SUMF1: variants seen among roughly 807,000 people sequenced by gnomAD.
SUMF1 encodes sulfatase modifying factor 1, also known as formylglycine-generating enzyme.
Under a neutral mutation model 47.6 loss-of-function variants are expected in SUMF1, and 48 were observed. That is an observed-to-expected ratio of 1.01 (90% CI 0.80 to 1.28). SUMF1 has a LOEUF of 1.28. Among genes scored for constraint, SUMF1 ranks in the 50% most tolerant of loss-of-function variants. The probability of loss-of-function intolerance (pLI) is 0.00; values close to 1 mark genes in which losing one functional copy is unlikely to be tolerated. For synonymous variants in SUMF1, 230 were observed against 192.1 expected, an observed-to-expected ratio of 1.20 and a Z score of -1.63; for missense variants, 571 against 485.4, an observed-to-expected ratio of 1.18 and a Z score of -1.66.
At chr3:4,308,105 C>T (rs1698262691) in intron 8 of SUMF1, among the ~76,000 whole-genome samples, 2 of 152,148 alleles carry the variant, frequency 1.3e-5, no homozygotes, top group African/African-American at 4.8e-5. Context: ...ATATTGCAGA[C>T]AGTAAGGTAA....
intron 8 of SUMF1, among the ~76,000 whole-genome samples, chr3:4,076,958 C>T (rs1328883658): frequency 1.3e-5 from 2 of 151,776 alleles, no homozygotes; most frequent in African/African-American, 4.8e-5. Flanking sequence ...GAGCCGAGAT[C>T]GTGCCACTGC....
At chr3:4,418,280 C>T in intron 4 of SUMF1, 148 bp from the exon 5 acceptor site, 4 of 1,221,040 alleles carry the variant, frequency 3.3e-6, no homozygotes, top group Non-Finnish European at 4.6e-6. Flanking sequence ...AGCCATGCTA[C>T]ATCTGTCATG....
chr3:4,049,699 C>T (rs1276860411), intron 9 of SUMF1, among the ~76,000 whole-genome samples: 1 of 152,120 alleles, frequency 6.6e-6, no homozygotes, highest in Non-Finnish European at 1.5e-5. Context: ...ACTCTTTCAG[C>T]CTTGCCATTC....
chr3:4,252,277 T>C (rs1696819844), intron 8 of SUMF1, among the ~76,000 whole-genome samples: 1 of 152,012 alleles, frequency 6.6e-6, no homozygotes, highest in Non-Finnish European at 1.5e-5. Context: ...GACAACCAAA[T>C]CTTCTGAAAA....
rs113009646 is a variant in SUMF1 at position 4,219,462 on chromosome 3, C to G, written c.1015-150717G>C. Among the ~76,000 whole-genome samples, 94 of 152,296 alleles carry G rather than the reference C, an allele frequency of 6.2e-4. 3 individuals are homozygous for G. The highest frequency in any genetic ancestry group is 2.2e-3 in the African/African-American group (93 of 41,580). The stretch of plus-strand genomic sequence containing the variant: ...CTTTCTGCTGTGCCAGATGTTTGCA[C>G]ACTCAACTCAAAAAAACTGGTGACA... On this transcript the variant is annotated intron_variant and NMD_transcript_variant, in intron 8 of 12. Coordinates refer to the SUMF1 transcript ENST00000448413.
chr3:4,134,801 T>C (rs989106362), intron 8 of SUMF1, among the ~76,000 whole-genome samples: 2 of 152,050 alleles, frequency 1.3e-5, no homozygotes, highest in African/African-American at 4.8e-5. Flanking sequence ...TCACCACCGA[T>C]CCCACAGAAA....
At chr3:4,442,643 A>AAAAAAAAAAAC (rs1702642352) in intron 3 of SUMF1, among the ~76,000 whole-genome samples, 3 of 33,956 alleles carry the variant, frequency 8.8e-5, no homozygotes, top group Non-Finnish European at 6.0e-4. Flanking sequence ...AAAAGGAAAA[A>AAAAAAAAAAAC]AAAAAAAAAG....
intron 6 of SUMF1, 73 bp downstream of exon 6, chr3:4,417,055 C>T: frequency 1.4e-6 from 2 of 1,407,576 alleles, no homozygotes; most frequent in South Asian, 1.2e-5. Flanking sequence ...TGAGCAATGC[C>T]TTTCACCCCA....
Position 4,434,280 on chromosome 3 carries a change from T to C in SUMF1, c.520-14134A>G, listed in dbSNP as rs542002074. On this transcript the variant is annotated intron_variant, in intron 3 of 8. Coordinates refer to ENST00000272902, the MANE Select transcript of SUMF1 (RefSeq NM_182760.4). ...GGTTAAAATGGTAAATTTTATGTTA[T>C]GTATAGTGTACCATACACACACATA... Among the ~76,000 whole-genome samples, 13 of 152,394 alleles carry C rather than the reference T, an allele frequency of 8.5e-5. No individual in the cohort carries two copies. In the South Asian group the frequency reaches 1.7e-3, roughly 19 times the overall value.
chr3:4,050,455 A>G (rs1489343147), intron 9 of SUMF1, among the ~76,000 whole-genome samples: 1 of 152,042 alleles, frequency 6.6e-6, no homozygotes, highest in Non-Finnish European at 1.5e-5. Context: ...GAAAATTGTC[A>G]TGATGGCCAG....
At chr3:4,040,279 T>C (rs1396824186) in intron 9 of SUMF1, among the ~76,000 whole-genome samples, 4 of 152,162 alleles carry the variant, frequency 2.6e-5, no homozygotes, top group Admixed American at 1.3e-4. Context: ...TACCTCAGAA[T>C]GGGGAAAAGT....
At chr3:4,148,997 T>G (rs781721753) in intron 8 of SUMF1, among the ~76,000 whole-genome samples, 22 of 140,336 alleles carry the variant, frequency 1.6e-4, no homozygotes, top group Middle Eastern at 3.6e-3. Flanking sequence ...TTAGTTGAAT[T>G]TATGCCCTGG....
chr3:4,267,379 A>T (rs1456066312), intron 8 of SUMF1, among the ~76,000 whole-genome samples: 8 of 152,134 alleles, frequency 5.3e-5, no homozygotes, highest in Non-Finnish European at 8.8e-5. Context: ...TTGGTAAAGT[A>T]TTGATTATTA....
intron 8 of SUMF1, among the ~76,000 whole-genome samples, chr3:4,073,756 T>C (rs1384541920): frequency 6.6e-6 from 1 of 152,082 alleles, no homozygotes; most frequent in Non-Finnish European, 1.5e-5. Context: ...CATTATATAA[T>C]GGTAAAGGGA....
At chr3:4,179,373 A>G (rs1442377783) in intron 8 of SUMF1, among the ~76,000 whole-genome samples, 1 of 152,190 alleles carries the variant, frequency 6.6e-6, no homozygotes, top group African/African-American at 2.4e-5. Context: ...GGCTTCAGAA[A>G]TACCACAACA....
At chr3:4,353,040 C>A (rs1324896783) in intron 8 of SUMF1, among the ~76,000 whole-genome samples, 1 of 152,186 alleles carries the variant, frequency 6.6e-6, no homozygotes, top group Non-Finnish European at 1.5e-5. Flanking sequence ...CCTTTACACT[C>A]CTAGAAATCA....
chr3:4,430,183 A>G (rs891144811), intron 3 of SUMF1, among the ~76,000 whole-genome samples: 41 of 152,208 alleles, frequency 2.7e-4, no homozygotes, highest in Admixed American at 2.4e-3. Context: ...ATAAGATGGT[A>G]GTAGGTACGG....
At chr3:4,404,796 CAT>C (rs1160772928) in intron 7 of SUMF1, among the ~76,000 whole-genome samples, 2 of 152,012 alleles carry the variant, frequency 1.3e-5, no homozygotes, top group Admixed American at 6.6e-5. Flanking sequence ...ACAAAAAACA[CAT>C]GAGTGAAGGT....
chr3:4,282,221 A>T (rs1697543306), intron 8 of SUMF1, among the ~76,000 whole-genome samples: 1 of 152,166 alleles, frequency 6.6e-6, no homozygotes, highest in Non-Finnish European at 1.5e-5. Context: ...ATGAAACATA[A>T]AATCAATGTA....
Sources: allele counts gnomAD v4.1 joint callset (sites outside exome capture counted in the v4.1 genomes callset), GRCh38; gene constraint gnomAD v4.1.1; transcripts MANE v1.5; gene names NCBI Gene and HGNC (gene_info 2026-07-23, HGNC 2026-07-21).